CSMD1: variants seen among roughly 807,000 people sequenced by gnomAD.
The protein encoded by CSMD1 is CUB and Sushi multiple domains 1.
In CSMD1, 213 loss-of-function variants were observed where a neutral mutation model predicts 417.5. The ratio of observed to expected loss-of-function variants is 0.51; its 90% CI spans 0.46 to 0.57. The LOEUF is 0.57. Ranked by LOEUF, CSMD1 falls within the 20% of genes least tolerant of loss-of-function variation. The pLI, the probability that CSMD1 is intolerant of heterozygous loss-of-function variation, is 0.00. For missense variants in CSMD1, 6,923 were observed against 4,529.7 expected, an observed-to-expected ratio of 1.53 and a Z score of -15.17; for synonymous variants, 2,862 against 1,736.8, an observed-to-expected ratio of 1.65 and a Z score of -16.11.
intron 5 of CSMD1, among the ~76,000 whole-genome samples, chr8:3,812,901 G>A (rs1026415802): frequency 6.6e-5 from 10 of 152,142 alleles, no homozygotes; most frequent in Non-Finnish European, 1.5e-4. Context: ...CTCTTTCGTG[G>A]CTGTGATAAT....
chr8:3,815,753 T>C (rs1277281860), intron 5 of CSMD1, among the ~76,000 whole-genome samples: 1 of 151,972 alleles, frequency 6.6e-6, no homozygotes, highest in Admixed American at 6.6e-5. Context: ...ACATGGAAAG[T>C]CATAAAACCA....
At chr8:3,803,339 T>TAGACA (rs937428718) in intron 5 of CSMD1, among the ~76,000 whole-genome samples, 6 of 152,020 alleles carry the variant, frequency 3.9e-5, no homozygotes, top group African/African-American at 9.7e-5. Flanking sequence ...AATACTTCAA[T>TAGACA]AGACAAGACA....
intron 25 of CSMD1, among the ~76,000 whole-genome samples, chr8:3,303,175 C>A (rs1249744100): frequency 6.6e-6 from 1 of 152,164 alleles, no homozygotes; most frequent in Non-Finnish European, 1.5e-5. Flanking sequence ...TGGCCTCATA[C>A]CTTTCTGTCC....
chr8:4,777,845 C>G (rs180707797), intron 1 of CSMD1, among the ~76,000 whole-genome samples: 1 of 152,174 alleles, frequency 6.6e-6, no homozygotes, highest in South Asian at 2.1e-4. Context: ...TCTCAACTAA[C>G]GGCAACTATG....
intron 3 of CSMD1, among the ~76,000 whole-genome samples, chr8:4,406,140 G>C (rs1413057197): frequency 6.6e-6 from 1 of 152,204 alleles, no homozygotes; most frequent in Non-Finnish European, 1.5e-5. Flanking sequence ...ATGGCAGTGA[G>C]CATAATCGTG....
At chr8:3,474,962 T>G (rs1817322494) in intron 11 of CSMD1, among the ~76,000 whole-genome samples, 1 of 152,158 alleles carries the variant, frequency 6.6e-6, no homozygotes, top group African/African-American at 2.4e-5. Context: ...TGCCTGCCTT[T>G]TTTGCCCCCA....
At chr8:4,298,185 G>A (rs993862061) in intron 3 of CSMD1, among the ~76,000 whole-genome samples, 2 of 152,112 alleles carry the variant, frequency 1.3e-5, no homozygotes, top group African/African-American at 2.4e-5. Flanking sequence ...TGAGGAATCT[G>A]CCTTAGTTAA....
chr8:3,375,545 G>C (rs1810254566), intron 18 of CSMD1, among the ~76,000 whole-genome samples: 1 of 151,958 alleles, frequency 6.6e-6, no homozygotes, highest in Non-Finnish European at 1.5e-5. Flanking sequence ...ATATTTATAT[G>C]AATACATTAT....
At chr8:4,058,640 T>A (rs1164522964) in intron 3 of CSMD1, among the ~76,000 whole-genome samples, 1 of 149,274 alleles carries the variant, frequency 6.7e-6, no homozygotes, top group African/African-American at 2.5e-5. Context: ...GGGGTTGCAA[T>A]CCTAGTCTCT....
At chr8:4,030,163 G>A (rs764946252) in intron 4 of CSMD1, among the ~76,000 whole-genome samples, 3 of 150,848 alleles carry the variant, frequency 2.0e-5, no homozygotes, top group Non-Finnish European at 2.9e-5. Flanking sequence ...CTACCATTCT[G>A]GAGTCTGAAG....
At chr8:3,882,822 G>C (rs1412953158) in intron 5 of CSMD1, among the ~76,000 whole-genome samples, 2 of 152,104 alleles carry the variant, frequency 1.3e-5, no homozygotes, top group Non-Finnish European at 2.9e-5. Flanking sequence ...TGTCAAAATA[G>C]GCAAATTAGT....
intron 5 of CSMD1, among the ~76,000 whole-genome samples, chr8:3,875,487 T>G (rs1805755364): frequency 6.6e-6 from 1 of 151,812 alleles, no homozygotes; most frequent in Non-Finnish European, 1.5e-5. Flanking sequence ...GTTCCGAGGG[T>G]CACTGGCATG....
intron 65 of CSMD1, among the ~76,000 whole-genome samples, chr8:2,951,963 C>A (rs1802667671): frequency 1.3e-5 from 2 of 152,072 alleles, no homozygotes; most frequent in South Asian, 2.1e-4. Flanking sequence ...GAAAGGCAGT[C>A]TTTTTAAAGC....
chr8:4,682,100 C>T (rs758116767), intron 1 of CSMD1, among the ~76,000 whole-genome samples: 3 of 152,160 alleles, frequency 2.0e-5, no homozygotes, highest in African/African-American at 4.8e-5. Flanking sequence ...CTCACTGCAA[C>T]CTCCGCCTCC....
At chr8:4,402,354 T>G (rs1454910617) in intron 3 of CSMD1, among the ~76,000 whole-genome samples, 2 of 152,056 alleles carry the variant, frequency 1.3e-5, no homozygotes, top group African/African-American at 2.4e-5. Context: ...TTCCCCTGAC[T>G]GCACCCTCAA....
chr8:3,557,760 C>A (rs1432279983), intron 10 of CSMD1, among the ~76,000 whole-genome samples: 6 of 152,162 alleles, frequency 3.9e-5, no homozygotes, highest in Non-Finnish European at 8.8e-5. Flanking sequence ...TAGTAGGTGA[C>A]ACAGGTTTTG....
chr8:4,075,651 T>C (rs57465583), intron 3 of CSMD1, among the ~76,000 whole-genome samples: 13,103 of 152,234 alleles, frequency 0.086, 806 homozygotes, highest in East Asian at 0.28. Context: ...TTGGGGAAAT[T>C]GTCTTGATTT....
At chr8:4,028,969 G>A (rs887239216) in intron 4 of CSMD1, among the ~76,000 whole-genome samples, 3 of 152,176 alleles carry the variant, frequency 2.0e-5, no homozygotes, top group Non-Finnish European at 2.9e-5. Context: ...TAGCAGTGTT[G>A]CAGGTAAAGG....
intron 5 of CSMD1, among the ~76,000 whole-genome samples, chr8:3,856,830 C>T (rs866771707): frequency 3.9e-5 from 6 of 152,110 alleles, no homozygotes; most frequent in Admixed American, 1.3e-4. Context: ...CCAAAGTTAA[C>T]AGAACAGGCA....
Sources: gnomAD v4.1 joint callset for allele counts (sites outside exome capture counted in the v4.1 genomes callset) on GRCh38, gnomAD v4.1.1 for gene constraint, MANE v1.5 for transcripts, NCBI Gene and HGNC (gene_info 2026-07-23, HGNC 2026-07-21) for gene names.